The following MAP3K5 variants were observed in gnomAD, a reference collection of about 807,000 sequenced individuals.
MAP3K5 encodes mitogen-activated protein kinase kinase kinase 5, also known as ASK-1.
A neutral mutation model predicts 158.7 loss-of-function variants in MAP3K5; 56 were observed. The observed-to-expected ratio is 0.35, with a 90% CI of 0.28 to 0.44. The LOEUF (loss-of-function observed/expected upper bound fraction) is 0.44, where lower values mean the gene tolerates loss of function less well. Ranked by LOEUF, MAP3K5 falls within the 20% of genes least tolerant of loss-of-function variation. The pLI is 1.00. For missense variants in MAP3K5, 1,294 were observed against 1,674.8 expected, an observed-to-expected ratio of 0.77 and a Z score of 3.97; for synonymous variants, 579 against 601.7, an observed-to-expected ratio of 0.96 and a Z score of 0.55.
At chr6:136,700,367 C>T (rs533511412) in intron 3 of MAP3K5, among the ~76,000 whole-genome samples, 1 of 152,058 alleles carries the variant, frequency 6.6e-6, no homozygotes. Context: ...AAGAAGGAAT[C>T]AGCTGGATCT....
intron 10 of MAP3K5, among the ~76,000 whole-genome samples, chr6:136,654,873 G>GC (rs1429036046): frequency 6.6e-6 from 1 of 150,458 alleles, no homozygotes; most frequent in Non-Finnish European, 1.5e-5. Flanking sequence ...TGTTCATGGT[G>GC]TTTTTTTTTA....
chr6:136,712,524 T>G (rs936785699), intron 2 of MAP3K5, among the ~76,000 whole-genome samples: 2 of 152,164 alleles, frequency 1.3e-5, no homozygotes, highest in Non-Finnish European at 2.9e-5. Flanking sequence ...ATTAACTTCT[T>G]CTTCTTTTTA....
At chr6:136,639,093 C>G (rs181938393) in intron 13 of MAP3K5, among the ~76,000 whole-genome samples, 134 of 152,076 alleles carry the variant, frequency 8.8e-4, no homozygotes, top group Middle Eastern at 6.8e-3. Context: ...CCAGAACGTC[C>G]AATATAATTA....
intron 1 of MAP3K5, among the ~76,000 whole-genome samples, chr6:136,738,370 C>CA (rs1267851140): frequency 6.6e-6 from 1 of 152,076 alleles, no homozygotes; most frequent in African/African-American, 2.4e-5. Context: ...CTGTGTCCTC[C>CA]AAGGGACCTG....
intron 7 of MAP3K5, among the ~76,000 whole-genome samples, chr6:136,681,385 G>A (rs1182377811): frequency 6.6e-6 from 1 of 152,146 alleles, no homozygotes; most frequent in Non-Finnish European, 1.5e-5. Flanking sequence ...TGTAATCCCA[G>A]AAATCTGGAA....
chr6:136,584,850 A>G (rs1775047455), intron 23 of MAP3K5, among the ~76,000 whole-genome samples: 1 of 152,108 alleles, frequency 6.6e-6, no homozygotes, highest in Non-Finnish European at 1.5e-5. Context: ...CTATGATTGG[A>G]ATTCCTTAAG....
intron 1 of MAP3K5, among the ~76,000 whole-genome samples, chr6:136,773,331 C>G (rs780152934): frequency 6.6e-6 from 1 of 152,186 alleles, no homozygotes; most frequent in African/African-American, 2.4e-5. Flanking sequence ...TTAAATAACA[C>G]TCCCTGTTAC....
intron 11 of MAP3K5, among the ~76,000 whole-genome samples, chr6:136,646,751 A>G (rs1438274787): frequency 6.6e-6 from 1 of 152,258 alleles, no homozygotes; most frequent in Non-Finnish European, 1.5e-5. Flanking sequence ...TTGTGAGAAC[A>G]TGTATGTGTA....
chr6:136,562,216 G>C (rs1380868283), intron 27 of MAP3K5, among the ~76,000 whole-genome samples: 1 of 152,138 alleles, frequency 6.6e-6, no homozygotes, highest in Admixed American at 6.5e-5. Flanking sequence ...TAAGCTCATT[G>C]TGAAATCTTT....
chr6:136,774,826 T>C lies in MAP3K5; in HGVS notation c.448+16884A>G, dbSNP rs577205829. On this transcript the variant is annotated intron_variant, in intron 1 of 29. Transcript: ENST00000359015. ...GGTTAACAAGACAGAAAAAGAGACATGGAACTATATTCTAATGATTCTTTA... is the reference window on the plus strand; with the variant it reads ...GGTTAACAAGACAGAAAAAGAGACACGGAACTATATTCTAATGATTCTTTA... Among the ~76,000 whole-genome samples, 6 of 152,326 alleles carry C rather than the reference T, an allele frequency of 3.9e-5. No homozygotes were observed. The East Asian group carries it at 1.2e-3, about 29-fold the overall frequency.
intron 1 of MAP3K5, among the ~76,000 whole-genome samples, chr6:136,730,928 CAGA>C (rs1322256876): frequency 6.6e-6 from 1 of 152,026 alleles, no homozygotes; most frequent in African/African-American, 2.4e-5. Context: ...CCATTAACAG[CAGA>C]AGAAATTAAA....
At chr6:136,653,186 G>A (rs182561197) in intron 10 of MAP3K5, among the ~76,000 whole-genome samples, 16 of 152,190 alleles carry the variant, frequency 1.1e-4, no homozygotes, top group Admixed American at 2.0e-4. Context: ...ACTTTTCAAT[G>A]TAAGAAGGAA....
Position 136,769,775 on chromosome 6 carries a change from GGAAGGA to G in MAP3K5, c.448+21929_448+21934del, listed in dbSNP as rs1784109200. 4.7e-3 allele frequency among the ~76,000 whole-genome samples: 212 copies of G among 45,276 alleles called. 20 individuals carry two copies. Among genetic ancestry groups the G allele is most frequent in the African/African-American group, 0.023 (204 of 8,806 alleles). The allele number at this position is 45,276 out of a possible 152,430, so 29.7% of individuals were successfully genotyped here. On this transcript the variant is annotated intron_variant, in intron 1 of 29. Transcript: ENST00000359015. Reference sequence around the variant, plus strand: ...AGGAAGGAAGGAAGGAAGGAAGGAAGGAAGGAAGGAAGGAAGGAAGGGAGGGAGGGA... The same window carrying G: ...AGGAAGGAAGGAAGGAAGGAAGGAAGAGGAAGGAAGGAAGGGAGGGAGGGA...
At chr6:136,588,262 C>CAA (rs1048151471) in intron 23 of MAP3K5, among the ~76,000 whole-genome samples, 1 of 152,180 alleles carries the variant, frequency 6.6e-6, no homozygotes, top group African/African-American at 2.4e-5. Context: ...GTGGTTAAAG[C>CAA]AAAAACTTCA....
At chr6:136,669,446 G>C in intron 7 of MAP3K5, 51 bp from the exon 8 acceptor site, 1 of 1,060,672 alleles carries the variant, frequency 9.4e-7, no homozygotes, top group Non-Finnish European at 1.5e-6. Flanking sequence ...ATGAAACCCT[G>C]GGTGTGTAAT....
At chr6:136,640,672 G>C (rs777797938) in intron 12 of MAP3K5, among the ~76,000 whole-genome samples, 2 of 152,202 alleles carry the variant, frequency 1.3e-5, no homozygotes, top group African/African-American at 2.4e-5. Flanking sequence ...TTCCTCAAGA[G>C]AGGAGTTGAT....
At chr6:136,685,671 A>T (rs1359430569) in intron 7 of MAP3K5, among the ~76,000 whole-genome samples, 2 of 152,188 alleles carry the variant, frequency 1.3e-5, no homozygotes, top group East Asian at 3.8e-4. Flanking sequence ...ACAGAAAATG[A>T]TTCAGTCCAT....
intron 1 of MAP3K5, among the ~76,000 whole-genome samples, chr6:136,723,140 T>C (rs1281682913): frequency 6.6e-6 from 1 of 152,004 alleles, no homozygotes; most frequent in Non-Finnish European, 1.5e-5. Context: ...AATAAAATAA[T>C]GGAAAATGTC....
At chr6:136,696,141 C>T (rs1780592104) in intron 5 of MAP3K5, 84 bp from the exon 6 acceptor site, 1 of 732,382 alleles carries the variant, frequency 1.4e-6, no homozygotes, top group Non-Finnish European at 2.3e-6. Context: ...AACCAGATAT[C>T]TGAATTCAAG....
Sources: allele counts gnomAD v4.1 joint callset (sites outside exome capture counted in the v4.1 genomes callset), GRCh38; gene constraint gnomAD v4.1.1; transcripts MANE v1.5; gene names NCBI Gene and HGNC (gene_info 2026-07-23, HGNC 2026-07-21).